RASEF: variants seen among roughly 807,000 people sequenced by gnomAD.
RASEF encodes RAS and EF-hand domain containing.
A neutral mutation model predicts 90.1 loss-of-function variants in RASEF; 68 were observed. The observed-to-expected ratio is 0.75, with a 90% CI of 0.62 to 0.92. RASEF has a LOEUF of 0.92. Among genes scored for constraint, RASEF ranks in the 40% least tolerant of loss-of-function variants. The pLI is 0.00. For synonymous variants in RASEF, 331 were observed against 345.2 expected (o/e 0.96, Z 0.46); for missense variants, 949 against 937.2 (o/e 1.01, Z -0.16).
intron 15 of RASEF, among the ~76,000 whole-genome samples, chr9:82,992,579 A>G (rs572696210): frequency 6.6e-6 from 1 of 152,274 alleles, no homozygotes; most frequent in South Asian, 2.1e-4. Context: ...TTCTTCCTTT[A>G]CTTGGATTCC....
the RASEF span, among the ~76,000 whole-genome samples, chr9:83,103,880 TG>T: frequency 6.6e-6 from 1 of 152,184 alleles, no homozygotes; most frequent in African/African-American, 2.4e-5. Context: ...GAATTCCTAA[TG>T]GTAAAACTAT....
the RASEF span, among the ~76,000 whole-genome samples, chr9:83,100,152 G>T: frequency 6.6e-6 from 1 of 152,210 alleles, no homozygotes; most frequent in Admixed American, 6.5e-5. Flanking sequence ...CTTTGAGCTT[G>T]TGAAAGACTT....
At chr9:83,076,006 A>G in the RASEF span, among the ~76,000 whole-genome samples, 2 of 152,062 alleles carry the variant, frequency 1.3e-5, no homozygotes, top group Non-Finnish European at 2.9e-5. Flanking sequence ...CGCCTCTACT[A>G]AAAATACAAA....
At chr9:83,120,711 C>T in the RASEF span, among the ~76,000 whole-genome samples, 1 of 152,050 alleles carries the variant, frequency 6.6e-6, no homozygotes. Flanking sequence ...CTCAGATGAC[C>T]CTTAAAATAA....
At chr9:83,137,376 A>C in the RASEF span, among the ~76,000 whole-genome samples, 1 of 152,208 alleles carries the variant, frequency 6.6e-6, no homozygotes, top group Non-Finnish European at 1.5e-5. Flanking sequence ...ATGTAATAAA[A>C]AGATAATAAT....
chr9:83,144,396 GAAAGAAA>G, the RASEF span, among the ~76,000 whole-genome samples: 2 of 100,262 alleles, frequency 2.0e-5, no homozygotes, highest in Non-Finnish European at 4.2e-5. Context: ...AGAAAGGAAA[GAAAGAAA>G]GAAAGAAAGA....
At chr9:83,022,451 T>A (rs1361888587) in intron 2 of RASEF, 25 bp from the exon 3 acceptor site, 2 of 1,521,846 alleles carry the variant, frequency 1.3e-6, no homozygotes, top group Non-Finnish European at 1.8e-6. Context: ...GATGCACACC[T>A]TTTCATTATA....
chr9:83,041,075 G>C (rs966233162), intron 1 of RASEF, among the ~76,000 whole-genome samples: 15 of 152,018 alleles, frequency 9.9e-5, no homozygotes, highest in Non-Finnish European at 2.1e-4. Flanking sequence ...TATTCAGGCT[G>C]GTCTTGAACT....
At chr9:83,184,278 A>G in the RASEF span, among the ~76,000 whole-genome samples, 8 of 152,184 alleles carry the variant, frequency 5.3e-5, no homozygotes, top group Non-Finnish European at 1.2e-4. Flanking sequence ...GGAAACGTGT[A>G]CATTGGTGAA....
intron 3 of RASEF, among the ~76,000 whole-genome samples, chr9:83,020,918 G>A (rs999422610): frequency 6.6e-6 from 1 of 152,224 alleles, no homozygotes; most frequent in African/African-American, 2.4e-5. Flanking sequence ...AAAGGAAAGT[G>A]CTAGCTGAAG....
chr9:83,030,202 C>T (rs1029540794), intron 1 of RASEF, among the ~76,000 whole-genome samples: 3 of 151,946 alleles, frequency 2.0e-5, no homozygotes, highest in African/African-American at 7.2e-5. Context: ...ACTAAAAATA[C>T]AGAAATTAGC....
the RASEF span, among the ~76,000 whole-genome samples, chr9:83,187,023 C>T: frequency 2.0e-5 from 3 of 152,098 alleles, no homozygotes; most frequent in African/African-American, 7.2e-5. Context: ...ATTCCTCTGC[C>T]TAAATCATCC....
chr9:83,158,757 TGTA>T, the RASEF span, among the ~76,000 whole-genome samples: 1 of 149,958 alleles, frequency 6.7e-6, no homozygotes, highest in Non-Finnish European at 1.5e-5. Flanking sequence ...TATGCATATA[TGTA>T]TATATACACA....
chr9:83,129,380 A>C, the RASEF span, among the ~76,000 whole-genome samples: 78,973 of 150,398 alleles, frequency 0.53, 21,103 homozygotes, highest in East Asian at 0.79. Context: ...GCACTCCAGC[A>C]TGGGTGACAG....
At chr9:83,133,115 T>G in the RASEF span, among the ~76,000 whole-genome samples, 2 of 152,118 alleles carry the variant, frequency 1.3e-5, no homozygotes, top group South Asian at 4.1e-4. Flanking sequence ...ACTGAAAAGC[T>G]CTAAGAAAAA....
the RASEF span, among the ~76,000 whole-genome samples, chr9:83,084,993 C>T: frequency 2.0e-5 from 3 of 152,108 alleles, no homozygotes; most frequent in South Asian, 2.1e-4. Context: ...CAGGAATACT[C>T]GGCTTTGTGA....
At chr9:83,093,678 C>T in the RASEF span, among the ~76,000 whole-genome samples, 2 of 152,184 alleles carry the variant, frequency 1.3e-5, no homozygotes, top group African/African-American at 4.8e-5. Flanking sequence ...GGTTCCCGCT[C>T]GCGCCTCTCC....
At chr9:83,007,626 CTA>C in intron 6 of RASEF, 121 bp from the exon 7 acceptor site, 1 of 733,660 alleles carries the variant, frequency 1.4e-6, no homozygotes, top group Non-Finnish European at 2.4e-6. Context: ...CCACAGTTTT[CTA>C]TCTTTCCCGT....
chr9:83,204,559 T>G, the RASEF span, among the ~76,000 whole-genome samples: 2 of 152,168 alleles, frequency 1.3e-5, no homozygotes, highest in African/African-American at 4.8e-5. Context: ...TTCAGAGAAT[T>G]GGACCACTTA....
Sources: gnomAD v4.1 joint callset for allele counts (sites outside exome capture counted in the v4.1 genomes callset) on GRCh38, gnomAD v4.1.1 for gene constraint, MANE v1.5 for transcripts, NCBI Gene and HGNC (gene_info 2026-07-23, HGNC 2026-07-21) for gene names.